The following STPG2 variants were observed in gnomAD, a reference collection of about 807,000 sequenced individuals.
The protein encoded by STPG2 is sperm tail PG-rich repeat containing 2.
In STPG2, 56 loss-of-function variants were observed where a neutral mutation model predicts 54.2. The observed-to-expected ratio is 1.03, with a 90% CI of 0.83 to 1.29. STPG2 has a LOEUF of 1.29. STPG2 is among the 50% of genes most tolerant of loss of function. The probability of loss-of-function intolerance (pLI) is 0.00; values close to 1 mark genes in which losing one functional copy is unlikely to be tolerated. For missense variants in STPG2, 596 were observed against 544.9 expected (o/e 1.09, Z -0.93); for synonymous variants, 200 against 181.8 (o/e 1.10, Z -0.81).
At chr4:98,135,726 A>G (rs10031292) in intron 1 of STPG2, among the ~76,000 whole-genome samples, 59,919 of 151,614 alleles carry the variant, frequency 0.4, 12,088 homozygotes, top group Middle Eastern at 0.46. Context: ...TGACCTTCAA[A>G]TAAGTTACAA....
chr4:97,932,754 T>A (rs1243011397), intron 8 of STPG2, among the ~76,000 whole-genome samples: 1 of 152,246 alleles, frequency 6.6e-6, no homozygotes, highest in Non-Finnish European at 1.5e-5. Context: ...ATTTTCTTTA[T>A]CCAGTCCATC....
At chr4:97,827,833 G>A (rs1728309242) in intron 9 of STPG2, among the ~76,000 whole-genome samples, 2 of 152,136 alleles carry the variant, frequency 1.3e-5, no homozygotes, top group South Asian at 4.2e-4. Context: ...CTCATACCTT[G>A]CCCATACAAT....
intron 9 of STPG2, among the ~76,000 whole-genome samples, chr4:97,713,631 T>C (rs1724200105): frequency 6.6e-6 from 1 of 152,174 alleles, no homozygotes; most frequent in African/African-American, 2.4e-5. Context: ...GCGTTCGAGC[T>C]CCTATGAGAA....
rs201358048 is a variant in STPG2, at chr4:97,541,920, G to A, written c.462+170779C>T. The stretch of plus-strand genomic sequence containing the variant: ...TGATGGGAAAACTGGCTAGCCATAT[G>A]TAGAAAGCTGAAACTGGATCCCTTC... On this transcript the variant is annotated intron_variant, in intron 4 of 4. Transcript: ENST00000522676. 3.4e-4 allele frequency among the ~76,000 whole-genome samples: 52 copies of A among 152,300 alleles called. No homozygotes were observed. In the East Asian group the frequency reaches 7.0e-3, roughly 20 times the overall value.
intron 7 of STPG2, among the ~76,000 whole-genome samples, chr4:97,946,422 G>C (rs1733225285): frequency 6.6e-6 from 1 of 151,936 alleles, no homozygotes; most frequent in Non-Finnish European, 1.5e-5. Flanking sequence ...GTTTATTTTT[G>C]TTTTAGTTCC....
chr4:97,741,451 T>C (rs1260767408), intron 9 of STPG2, among the ~76,000 whole-genome samples: 1 of 151,682 alleles, frequency 6.6e-6, no homozygotes, highest in Non-Finnish European at 1.5e-5. Flanking sequence ...AGAAAATTTT[T>C]GCAACCTACT....
At chr4:97,976,736 C>A (rs1734512781) in intron 6 of STPG2, among the ~76,000 whole-genome samples, 1 of 152,082 alleles carries the variant, frequency 6.6e-6, no homozygotes, top group Non-Finnish European at 1.5e-5. Context: ...TCTTACTAAT[C>A]CTTAAAATAT....
chr4:97,656,220 T>A (rs1172665460), intron 10 of STPG2, among the ~76,000 whole-genome samples: 1 of 152,070 alleles, frequency 6.6e-6, no homozygotes, highest in Non-Finnish European at 1.5e-5. Context: ...TATTGCCACA[T>A]CCTGACTCAT....
chr4:97,828,977 G>A (rs1728351185), intron 9 of STPG2, among the ~76,000 whole-genome samples: 1 of 152,156 alleles, frequency 6.6e-6, no homozygotes, highest in Admixed American at 6.5e-5. Context: ...CCTGCCTGAT[G>A]GCTCTGAGAG....
chr4:97,924,597 T>C (rs1361549442), intron 8 of STPG2, among the ~76,000 whole-genome samples: 2 of 152,206 alleles, frequency 1.3e-5, no homozygotes, highest in Admixed American at 1.3e-4. Context: ...AAAAGGGATA[T>C]GAGTTCTTAA....
chr4:98,013,302 T>C (rs921631445), intron 5 of STPG2, among the ~76,000 whole-genome samples: 6 of 152,034 alleles, frequency 3.9e-5, no homozygotes, highest in South Asian at 2.1e-4. Context: ...GGATGGAACC[T>C]ACTTGTGGTG....
At chr4:97,469,209 G>A (rs1366718801) in intron 4 of STPG2, among the ~76,000 whole-genome samples, 4 of 152,044 alleles carry the variant, frequency 2.6e-5, no homozygotes, top group African/African-American at 7.2e-5. Context: ...GGAATGCTCA[G>A]TTTTCTAAAA....
At chr4:97,481,812 CT>C (rs1447497121) in intron 4 of STPG2, among the ~76,000 whole-genome samples, 2 of 151,470 alleles carry the variant, frequency 1.3e-5, no homozygotes, top group Non-Finnish European at 3.0e-5. Context: ...TTTACTACTT[CT>C]TTTCCAATCA....
intron 4 of STPG2, among the ~76,000 whole-genome samples, chr4:97,523,809 C>CAGTA (rs1731227913): frequency 6.6e-6 from 1 of 151,978 alleles, no homozygotes; most frequent in African/African-American, 2.4e-5. Context: ...TATTATGTGG[C>CAGTA]AGTCACTGCA....
chr4:98,109,179 A>G lies in STPG2; in HGVS notation c.500+14T>C, dbSNP rs1739272694. The G allele has an allele frequency of 1.2e-5, 18 of 1,466,536 alleles. No homozygotes were observed. Among genetic ancestry groups the G allele is most frequent in the Non-Finnish European group, 1.6e-5 (17 of 1,074,834 alleles). 90.8% of individuals were successfully genotyped at this position (1,466,536 alleles called of 1,614,324 possible). On this transcript the variant is annotated intron_variant, in intron 4 of 10. Transcript: ENST00000295268. Reference sequence around the variant, plus strand: ...AAGAGCTACATTAAAGGTATACTATATTTTTTTACTTACTGGACTATATCA... The same window carrying G: ...AAGAGCTACATTAAAGGTATACTATGTTTTTTTACTTACTGGACTATATCA...
chr4:98,072,838 A>G (rs962341738), intron 5 of STPG2, among the ~76,000 whole-genome samples: 1 of 152,184 alleles, frequency 6.6e-6, no homozygotes, highest in African/African-American at 2.4e-5. Flanking sequence ...CCAACCTAGC[A>G]GCTCTAAACA....
intron 9 of STPG2, among the ~76,000 whole-genome samples, chr4:97,815,296 C>A (rs1727875064): frequency 6.6e-6 from 1 of 152,058 alleles, no homozygotes; most frequent in Non-Finnish European, 1.5e-5. Context: ...ATCCAAAAGG[C>A]TTGGGACTGA....
intron 5 of STPG2, among the ~76,000 whole-genome samples, chr4:98,085,292 T>A (rs925778162): frequency 2.0e-5 from 3 of 152,090 alleles, no homozygotes; most frequent in Non-Finnish European, 2.9e-5. Context: ...TTACTGTCTA[T>A]ATGTTTATCC....
At chr4:97,581,724 A>C (rs1035973711) in intron 10 of STPG2, among the ~76,000 whole-genome samples, 4 of 152,128 alleles carry the variant, frequency 2.6e-5, no homozygotes, top group African/African-American at 9.6e-5. Context: ...GTATGCTCTG[A>C]AACCAGATCC....
Sources: allele counts gnomAD v4.1 joint callset (sites outside exome capture counted in the v4.1 genomes callset), GRCh38; gene constraint gnomAD v4.1.1; transcripts MANE v1.5; gene names NCBI Gene and HGNC (gene_info 2026-07-23, HGNC 2026-07-21).